The following DHRSX variants were observed in gnomAD, a reference collection of about 807,000 sequenced individuals.
DHRSX encodes the protein dehydrogenase/reductase X-linked, also known as polyprenol dehydrogenase.
Under a neutral mutation model 34.0 loss-of-function variants are expected in DHRSX, and 31 were observed. The observed-to-expected ratio is 0.91, with a 90% CI of 0.69 to 1.23. The LOEUF (loss-of-function observed/expected upper bound fraction) is 1.23, where lower values mean the gene tolerates loss of function less well. Among genes scored for constraint, DHRSX ranks in the 50% most tolerant of loss-of-function variants. The pLI, the probability that DHRSX is intolerant of heterozygous loss-of-function variation, is 0.00. For synonymous variants in DHRSX, 201 were observed against 183.8 expected, an observed-to-expected ratio of 1.09 and a Z score of -0.76; for missense variants, 414 against 428.1, an observed-to-expected ratio of 0.97 and a Z score of 0.29.
At chrX:2,463,454 C>T (rs184246488) in intron 1 of DHRSX, among the ~76,000 whole-genome samples, 1 of 151,722 alleles carries the variant, frequency 6.6e-6, no homozygotes, top group Non-Finnish European at 1.5e-5. Context: ...CCCAAGTCTA[C>T]ACGGATATAA....
chrX:2,297,215 C>T (rs1319080983), intron 3 of DHRSX, among the ~76,000 whole-genome samples: 1 of 152,212 alleles, frequency 6.6e-6, no homozygotes, highest in Non-Finnish European at 1.5e-5. Flanking sequence ...CTCCACCTCC[C>T]GAATTCAAGC....
In DHRSX at chrX:2,448,915, G is replaced by A. The variant is rs771998415; in HGVS notation, c.110-23611C>T. 3.1e-4 allele frequency among the ~76,000 whole-genome samples: 47 copies of A among 152,272 alleles called. 1 individual carries two copies. The highest frequency in any genetic ancestry group is 6.5e-4 in the Admixed American group (10 of 15,292). ...AAGGTGTATCCACACTGGGCCGGGC[G>A]CGGTGGCTCACGCCTGTCATCCCAG... On this transcript the variant is annotated intron_variant, in intron 1 of 6. Coordinates refer to ENST00000334651, the MANE Select transcript of DHRSX (RefSeq NM_145177.3).
At position 2,248,316 on chromosome X, in the gene DHRSX, C is replaced by G. The variant is rs776395590; in HGVS notation, c.597-5086G>C. Among the ~76,000 whole-genome samples, 30 of 152,008 alleles carry G rather than the reference C, an allele frequency of 2.0e-4. No individual in the cohort carries two copies. The East Asian group carries it at 5.4e-3, about 27-fold the overall frequency. Reference sequence around the variant, plus strand: ...GGTGTGGTGGTGGGCGCCCGTAGTCCTAGCTACTTGGGAGGCTGAGGCAGG... The same window carrying G: ...GGTGTGGTGGTGGGCGCCCGTAGTCGTAGCTACTTGGGAGGCTGAGGCAGG... On this transcript the variant is annotated intron_variant, in intron 5 of 6. Coordinates refer to ENST00000334651, the MANE Select transcript of DHRSX (RefSeq NM_145177.3).
At chrX:2,468,924 C>A in intron 1 of DHRSX, among the ~76,000 whole-genome samples, 1 of 151,766 alleles carries the variant, frequency 6.6e-6, no homozygotes, top group African/African-American at 2.4e-5. Flanking sequence ...CCGTTGCACA[C>A]TGAAGACGTT....
At position 2,221,225 on chromosome X, in the gene DHRSX, G is replaced by A; in HGVS notation, c.809C>T (p.Pro270Leu). 6.2e-7 allele frequency: 1 copy of A among 1,612,376 alleles called. No homozygotes were observed. The highest frequency in any genetic ancestry group is 1.7e-5 in the Admixed American group (1 of 59,710). ...KLLGWLLFKT[P>L]DEGAWTSIYA... The stretch of plus-strand genomic sequence containing the variant: ...GATGGAAGTCCACGCTCCTTCATCG[G>A]GGGTCTGGTGGAAGAAGAAAAGAAG... The change falls in exon 7 of 7, where the codon CCC (proline) becomes CTC (leucine). Residue 270 changes from proline to leucine, a missense_variant. Physicochemically the swap from Pro to Leu is moderately conservative, Grantham distance 98. Coordinates refer to ENST00000334651, the MANE Select transcript of DHRSX (RefSeq NM_145177.3).
At chrX:2,357,013 G>C (rs1410666832) in intron 3 of DHRSX, among the ~76,000 whole-genome samples, 2 of 152,150 alleles carry the variant, frequency 1.3e-5, no homozygotes, top group Non-Finnish European at 2.9e-5. Context: ...GGAGGCCAAA[G>C]TGGGTGGATC....
At position 2,401,662 on chromosome X, in the gene DHRSX, T is replaced by C. The variant is rs1468254974; in HGVS notation, c.286+7083A>G. 2.0e-5 allele frequency among the ~76,000 whole-genome samples: 3 copies of C among 152,240 alleles called. No homozygotes were observed. The East Asian group carries it at 5.8e-4, about 29-fold the overall frequency. ...ATCTGAGTTCATTTGAACACGGCTA[T>C]GCCTTTCTGTGTTTGCTTTCATGGA... On this transcript the variant is annotated intron_variant, in intron 3 of 6. Coordinates refer to ENST00000334651, the MANE Select transcript of DHRSX (RefSeq NM_145177.3).
chrX:2,277,322 A>AG (rs1569483186), intron 4 of DHRSX, among the ~76,000 whole-genome samples: 2 of 5,012 alleles, frequency 4.0e-4, no homozygotes, highest in Non-Finnish European at 2.0e-3. Context: ...GAGAAGGAAG[A>AG]GGAGGAAATG....
At chrX:2,491,434 C>A (rs1182697343) in intron 1 of DHRSX, among the ~76,000 whole-genome samples, 1 of 152,128 alleles carries the variant, frequency 6.6e-6, no homozygotes, top group Admixed American at 6.6e-5. Flanking sequence ...AAGCACCTGC[C>A]ACGTGGGAAA....
At chrX:2,246,636 G>T (rs1271529156) in intron 5 of DHRSX, among the ~76,000 whole-genome samples, 3 of 130,014 alleles carry the variant, frequency 2.3e-5, no homozygotes, top group African/African-American at 8.5e-5. Context: ...AAGAAAGAAA[G>T]AAAGACAGAA....
At chrX:2,226,163 T>G (rs1480934820) in intron 6 of DHRSX, among the ~76,000 whole-genome samples, 2 of 152,280 alleles carry the variant, frequency 1.3e-5, no homozygotes, top group Non-Finnish European at 1.5e-5. Context: ...CCCAGGTGAC[T>G]TCTCTCCTGA....
intron 3 of DHRSX, among the ~76,000 whole-genome samples, chrX:2,365,012 ATATC>A (rs377639923): frequency 2.1e-3 from 319 of 152,240 alleles, no homozygotes; most frequent in African/African-American, 6.7e-3. Context: ...GACAACTGGC[ATATC>A]TATCTATCTA....
intron 3 of DHRSX, among the ~76,000 whole-genome samples, chrX:2,399,227 C>T (rs1342498366): frequency 6.6e-6 from 1 of 152,088 alleles, no homozygotes; most frequent in Non-Finnish European, 1.5e-5. Flanking sequence ...TCTATGCCCA[C>T]GCATGAGAAC....
At chrX:2,431,631 T>C (rs2043924234) in intron 1 of DHRSX, among the ~76,000 whole-genome samples, 2 of 152,140 alleles carry the variant, frequency 1.3e-5, no homozygotes, top group South Asian at 4.2e-4. Context: ...AGGAGGCCAT[T>C]CTCCTATGTG....
At chrX:2,360,498 G>A (rs770392626) in intron 3 of DHRSX, among the ~76,000 whole-genome samples, 115 of 152,156 alleles carry the variant, frequency 7.6e-4, no homozygotes, top group Middle Eastern at 3.4e-3. Context: ...CAGGAGAATC[G>A]CTTGAACCCG....
chrX:2,472,445 G>C (rs762828434), intron 1 of DHRSX, among the ~76,000 whole-genome samples: 1 of 152,250 alleles, frequency 6.6e-6, no homozygotes, highest in East Asian at 1.9e-4. Context: ...CAATTTACCC[G>C]TGTAATGAAC....
intron 5 of DHRSX, among the ~76,000 whole-genome samples, chrX:2,250,498 C>T (rs2016411859): frequency 6.6e-6 from 1 of 152,078 alleles, no homozygotes; most frequent in African/African-American, 2.4e-5. Flanking sequence ...TTTTCTGGGA[C>T]AGGGGTGACC....
chrX:2,467,499 A>G (rs2044514762), intron 1 of DHRSX, among the ~76,000 whole-genome samples: 1 of 152,040 alleles, frequency 6.6e-6, no homozygotes, highest in Non-Finnish European at 1.5e-5. Flanking sequence ...AACGTGCGGC[A>G]CACCAAACAC....
rs1329675365 is a variant in DHRSX, at chrX:2,235,840, G to A, written c.804+7183C>T. ...AATAAATACATAAGCCAGGACGGGT[G>A]CGGTGGCTCACACCTGTCATCCCAG... is the stretch of plus-strand genomic sequence containing the variant. On this transcript the variant is annotated intron_variant, in intron 6 of 6. Transcript: ENST00000334651. 2.1e-5 allele frequency among the ~76,000 whole-genome samples: 3 copies of A among 146,236 alleles called. No homozygotes were observed. In the East Asian group the frequency reaches 6.4e-4, roughly 31 times the overall value.
Sources: allele counts gnomAD v4.1 joint callset (sites outside exome capture counted in the v4.1 genomes callset), GRCh38; gene constraint gnomAD v4.1.1; transcripts MANE v1.5; gene names NCBI Gene and HGNC (gene_info 2026-07-23, HGNC 2026-07-21).